The following ETFA variants were observed in gnomAD, a reference collection of about 807,000 sequenced individuals.
The protein encoded by ETFA is electron transfer flavoprotein subunit alpha, mitochondrial.
A neutral mutation model predicts 46.2 loss-of-function variants in ETFA; 22 were observed. That is an observed-to-expected ratio of 0.48 (90% CI 0.34 to 0.68). The LOEUF is 0.68. Ranked by LOEUF, ETFA falls within the 30% of genes least tolerant of loss-of-function variation. ETFA has a pLI of 0.01. For synonymous variants in ETFA, 131 were observed against 139.9 expected (o/e 0.94, Z 0.45); for missense variants, 345 against 401.1 (o/e 0.86, Z 1.19).
chr15:76,251,746 AG>A (rs2039300612), intron 9 of ETFA, among the ~76,000 whole-genome samples: 1 of 152,218 alleles, frequency 6.6e-6, no homozygotes, highest in South Asian at 2.1e-4. Context: ...CCTTTGAAGA[AG>A]GGTTCTACAA....
intron 9 of ETFA, chr15:76,261,581 G>GAT: frequency 1.9e-6 from 1 of 533,262 alleles, no homozygotes. Flanking sequence ...CCTGCCTGCA[G>GAT]CTGCGGACTC....
chr15:76,306,248 G>A (rs981584962), intron 1 of ETFA, among the ~76,000 whole-genome samples: 4 of 138,810 alleles, frequency 2.9e-5, no homozygotes, highest in Admixed American at 2.3e-4. Context: ...ATAGAGGGCA[G>A]GGGAGGGTTT....
At chr15:76,291,440 C>T (rs1187969055) in intron 4 of ETFA, among the ~76,000 whole-genome samples, 4 of 82,822 alleles carry the variant, frequency 4.8e-5, no homozygotes, top group Non-Finnish European at 8.8e-5. Flanking sequence ...AGTAAGACTC[C>T]ATCTCGAAAA....
Position 76,261,128 on chromosome 15 carries a change from CT to C in ETFA, c.816+13283del, listed in dbSNP as rs570149883. ...AAAACATGGGTGCTCTGGGTCACCC[CT>C]GTTACATTTAAAACAAATGGAGAGG... On this transcript the variant is annotated intron_variant, in intron 9 of 11. Transcript: ENST00000557943. The C allele has an allele frequency of 8.6e-6, 13 of 1,517,232 alleles. No homozygotes were observed. In the Admixed American group the frequency reaches 1.8e-4, roughly 21 times the overall value. The allele number at this position is 1,517,232 out of a possible 1,614,324, so 94.0% of individuals were successfully genotyped here.
intron 9 of ETFA, among the ~76,000 whole-genome samples, chr15:76,236,215 A>G (rs772129414): frequency 6.6e-6 from 1 of 152,210 alleles, no homozygotes; most frequent in African/African-American, 2.4e-5. Context: ...CCTCTGCTAC[A>G]TTGCATTTTC....
chr15:76,292,337 T>C (rs1309035403), intron 4 of ETFA, 94 bp downstream of exon 4: 1 of 840,402 alleles, frequency 1.2e-6, no homozygotes, highest in African/African-American at 1.7e-5. Context: ...AAATCCAGAT[T>C]GGCTACATAA....
intron 9 of ETFA, among the ~76,000 whole-genome samples, chr15:76,262,808 C>T (rs996378237): frequency 3.4e-4 from 51 of 152,000 alleles, no homozygotes; most frequent in African/African-American, 1.0e-3. Context: ...TAAAGATCTA[C>T]GATAAAGATA....
chr15:76,279,466 G>C (rs563959416), intron 8 of ETFA, among the ~76,000 whole-genome samples: 5 of 152,104 alleles, frequency 3.3e-5, no homozygotes, highest in African/African-American at 9.6e-5. Flanking sequence ...TTGTAGAGAC[G>C]GGGTTTTGCC....
intron 2 of ETFA, among the ~76,000 whole-genome samples, chr15:76,294,736 A>G (rs2039800815): frequency 6.6e-6 from 1 of 152,088 alleles, no homozygotes; most frequent in Admixed American, 6.6e-5. Context: ...TTTAGTAGAG[A>G]CAGGATTTCA....
intron 9 of ETFA, among the ~76,000 whole-genome samples, chr15:76,250,539 G>A (rs78529875): frequency 0.055 from 8,283 of 151,956 alleles, 262 homozygotes; most frequent in Middle Eastern, 0.082. Flanking sequence ...TTAGGATAAT[G>A]GCTACTTTTT....
At chr15:76,264,630 G>T (rs1285019428) in intron 9 of ETFA, among the ~76,000 whole-genome samples, 2 of 152,186 alleles carry the variant, frequency 1.3e-5, no homozygotes, top group Non-Finnish European at 2.9e-5. Flanking sequence ...TCTTGCATAT[G>T]ATAATGCTAA....
At chr15:76,227,591 T>C in intron 10 of ETFA, 3 of 322,450 alleles carry the variant, frequency 9.3e-6, no homozygotes, top group Non-Finnish European at 1.8e-5. Context: ...TACAAATAGT[T>C]TGGTATTCCC....
At position 76,218,017 on chromosome 15, in the gene ETFA, C is replaced by T. The variant is rs2038915358; in HGVS notation, c.964-1420G>A. Among the ~76,000 whole-genome samples the T allele has an allele frequency of 2.6e-5, 4 of 152,366 alleles. No individual in the cohort carries two copies. The South Asian group carries it at 8.3e-4, about 32-fold the overall frequency. On this transcript the variant is annotated intron_variant, in intron 11 of 11. Transcript: ENST00000557943. ...TGCTGGCACCACTTCTCCCAGCTTT[C>T]CTCAGTGGAGAGACCATGAGCTCAT...
At chr15:76,287,523 T>C (rs1384049707) in intron 5 of ETFA, among the ~76,000 whole-genome samples, 1 of 152,158 alleles carries the variant, frequency 6.6e-6, no homozygotes, top group Admixed American at 6.5e-5. Flanking sequence ...AGATTGAGAA[T>C]ACTATTTTTT....
At chr15:76,268,219 G>A (rs760244936) in intron 9 of ETFA, among the ~76,000 whole-genome samples, 11 of 147,290 alleles carry the variant, frequency 7.5e-5, no homozygotes, top group Admixed American at 4.8e-4. Flanking sequence ...CTTTGCTTCT[G>A]TTTCAGTAGA....
chr15:76,267,979 G>C (rs545997972), intron 9 of ETFA, among the ~76,000 whole-genome samples: 1 of 152,154 alleles, frequency 6.6e-6, no homozygotes, highest in South Asian at 2.1e-4. Flanking sequence ...GGACCCACCT[G>C]TACAGTGCAA....
intron 9 of ETFA, among the ~76,000 whole-genome samples, chr15:76,272,670 G>C (rs2039549573): frequency 1.3e-5 from 2 of 152,042 alleles, no homozygotes. Flanking sequence ...CATACCTGCA[G>C]TCCCAGCCAC....
chr15:76,268,463 T>C (rs978464825), intron 9 of ETFA, among the ~76,000 whole-genome samples: 1 of 152,044 alleles, frequency 6.6e-6, no homozygotes, highest in Non-Finnish European at 1.5e-5. Context: ...ATGGGACAGA[T>C]CAAGAAAACC....
At position 76,228,309 on chromosome 15, in the gene ETFA, T is replaced by A. The variant is rs184988424; in HGVS notation, c.883-2380A>T. ...AAGTGATCCTCCCACCTCAGCCTCC[T>A]GAGTAGCTGGGACCACAGGGGTGTA... On this transcript the variant is annotated intron_variant, in intron 10 of 11. Coordinates refer to ENST00000557943, the MANE Select transcript of ETFA (RefSeq NM_000126.4). 1.5e-4 allele frequency: 45 copies of A among 292,862 alleles called. No individual in the cohort carries two copies. The East Asian group carries it at 4.0e-3, about 26-fold the overall frequency. 18.1% of individuals were successfully genotyped at this position (292,862 alleles called of 1,614,324 possible).
Sources: allele counts gnomAD v4.1 joint callset (sites outside exome capture counted in the v4.1 genomes callset), GRCh38; gene constraint gnomAD v4.1.1; transcripts MANE v1.5; gene names NCBI Gene and HGNC (gene_info 2026-07-23, HGNC 2026-07-21).